Variants in CFAP95 observed in about 807,000 individuals in gnomAD.
CFAP95 encodes cilia- and flagella-associated protein 95.
At chr9:69,844,517 G>T in the CFAP95 span, 1 of 1,580,594 alleles carries the variant, frequency 6.3e-7, no homozygotes, top group East Asian at 2.3e-5. Flanking sequence ...TTTTCTTAAG[G>T]CACCGTGACA....
the CFAP95 span, among the ~76,000 whole-genome samples, chr9:69,884,810 C>A: frequency 6.6e-6 from 1 of 150,736 alleles, no homozygotes; most frequent in Non-Finnish European, 1.5e-5. Context: ...AAATAATGTC[C>A]CCCTGTTCCT....
the CFAP95 span, among the ~76,000 whole-genome samples, chr9:69,862,676 G>C: frequency 6.6e-6 from 1 of 152,144 alleles, no homozygotes; most frequent in Non-Finnish European, 1.5e-5. Context: ...ACCTGTTAAG[G>C]GAGAAAAATC....
the CFAP95 span, among the ~76,000 whole-genome samples, chr9:69,869,367 T>C: frequency 6.6e-6 from 1 of 152,178 alleles, no homozygotes. Flanking sequence ...AGAAAAGTAC[T>C]GCATAATCTC....
chr9:69,878,220 T>C, the CFAP95 span, among the ~76,000 whole-genome samples: 3 of 152,238 alleles, frequency 2.0e-5, no homozygotes, highest in Admixed American at 2.0e-4. Context: ...CATTTTTCTT[T>C]ACCTTCTAGT....
At chr9:69,884,191 G>A in the CFAP95 span, among the ~76,000 whole-genome samples, 1 of 152,126 alleles carries the variant, frequency 6.6e-6, no homozygotes, top group South Asian at 2.1e-4. Context: ...CCATGCATTG[G>A]TATATATTTT....
the CFAP95 span, among the ~76,000 whole-genome samples, chr9:69,842,655 A>G: frequency 6.6e-6 from 1 of 152,214 alleles, no homozygotes; most frequent in African/African-American, 2.4e-5. Context: ...AAATGGAAGC[A>G]CAGAAAGGTT....
At chr9:69,823,263 A>G in the CFAP95 span, among the ~76,000 whole-genome samples, 3 of 152,194 alleles carry the variant, frequency 2.0e-5, no homozygotes, top group East Asian at 5.8e-4. Context: ...TCATGATAGC[A>G]TGGGGACAAC....
chr9:69,900,048 G>A, the CFAP95 span, among the ~76,000 whole-genome samples: 1 of 151,970 alleles, frequency 6.6e-6, no homozygotes, highest in African/African-American at 2.4e-5. Flanking sequence ...TGCATTTATT[G>A]GTATTAAATG....
At chr9:69,831,537 T>A in the CFAP95 span, among the ~76,000 whole-genome samples, 2 of 152,298 alleles carry the variant, frequency 1.3e-5, no homozygotes, top group East Asian at 3.9e-4. Flanking sequence ...ACATCCTCCC[T>A]GCCTTTAGGA....
At chr9:69,895,369 C>CTGTGTGTG in the CFAP95 span, among the ~76,000 whole-genome samples, 233 of 107,900 alleles carry the variant, frequency 2.2e-3, no homozygotes, top group East Asian at 0.024. Context: ...CTCTCTCTCT[C>CTGTGTGTG]TGTGTGTGTG....
At chr9:69,830,393 A>G in the CFAP95 span, among the ~76,000 whole-genome samples, 13 of 152,160 alleles carry the variant, frequency 8.5e-5, no homozygotes, top group African/African-American at 3.1e-4. Flanking sequence ...TGCAGTGGAG[A>G]AGGAATAGCA....
chr9:69,893,271 C>T, the CFAP95 span, among the ~76,000 whole-genome samples: 1 of 152,164 alleles, frequency 6.6e-6, no homozygotes, highest in Non-Finnish European at 1.5e-5. Flanking sequence ...GCTGAGTAAG[C>T]AAGCCACCCC....
chr9:69,884,932 C>G, the CFAP95 span: 1 of 152,190 alleles, frequency 6.6e-6, no homozygotes, highest in African/African-American at 2.4e-5. Context: ...TACTCAAACT[C>G]TAGTGTACAT....
the CFAP95 span, among the ~76,000 whole-genome samples, chr9:69,851,981 C>T: frequency 0.14 from 21,055 of 151,942 alleles, 1,568 homozygotes; most frequent in East Asian, 0.28. Context: ...CCCTATGAGT[C>T]TCAGTTGTTC....
chr9:69,826,887 T>G, the CFAP95 span, among the ~76,000 whole-genome samples: 1 of 152,160 alleles, frequency 6.6e-6, no homozygotes, highest in South Asian at 2.1e-4. Flanking sequence ...GCTGGGGCCC[T>G]ATATTTATAT....
the CFAP95 span, chr9:69,844,575 A>G: frequency 6.2e-7 from 1 of 1,613,534 alleles, no homozygotes; most frequent in Non-Finnish European, 8.5e-7. Flanking sequence ...TGAGAAAGTT[A>G]AAAAACTGTG....
chr9:69,825,347 T>C, the CFAP95 span, among the ~76,000 whole-genome samples: 1 of 152,220 alleles, frequency 6.6e-6, no homozygotes, highest in African/African-American at 2.4e-5. Flanking sequence ...TGTTTCTCTT[T>C]ATCTGGCATG....
the CFAP95 span, among the ~76,000 whole-genome samples, chr9:69,856,220 A>G: frequency 1.6e-4 from 25 of 152,326 alleles, no homozygotes; most frequent in Non-Finnish European, 2.5e-4. Flanking sequence ...GATTGCTACA[A>G]ACATTTTCCT....
chr9:69,848,421 G>A, the CFAP95 span, among the ~76,000 whole-genome samples: 1 of 152,208 alleles, frequency 6.6e-6, no homozygotes, highest in Non-Finnish European at 1.5e-5. Context: ...TCTAGCCAGA[G>A]GCATCTTCTA....
Sources: gnomAD v4.1 joint callset for allele counts (sites outside exome capture counted in the v4.1 genomes callset) on GRCh38, gnomAD v4.1.1 for gene constraint, MANE v1.5 for transcripts, NCBI Gene and HGNC (gene_info 2026-07-23, HGNC 2026-07-21) for gene names.